COG5: variants seen among roughly 807,000 people sequenced by gnomAD.
COG5 encodes component of oligomeric golgi complex 5, also known as conserved oligomeric Golgi complex subunit 5.
Under a neutral mutation model 110.4 loss-of-function variants are expected in COG5, and 86 were observed. That is an observed-to-expected ratio of 0.78 (90% CI 0.65 to 0.93). The LOEUF is 0.93. Ranked by LOEUF, COG5 falls within the 40% of genes least tolerant of loss-of-function variation. The pLI is 0.00. For synonymous variants in COG5, 360 were observed against 334.6 expected, an observed-to-expected ratio of 1.08 and a Z score of -0.83; for missense variants, 1,077 against 987.0, an observed-to-expected ratio of 1.09 and a Z score of -1.22.
At chr7:107,562,071 C>T (rs906905699) in intron 1 of COG5, among the ~76,000 whole-genome samples, 1 of 152,040 alleles carries the variant, frequency 6.6e-6, no homozygotes, top group African/African-American at 2.4e-5. Flanking sequence ...GATGGTTATA[C>T]GTTGAGGTTA....
chr7:107,554,314 G>T lies in COG5; in HGVS notation c.263C>A (p.Ala88Glu). 6.2e-7 allele frequency: 1 copy of T among 1,613,966 alleles called. No homozygotes were observed. Among genetic ancestry groups the T allele is most frequent in the Non-Finnish European group, 8.5e-7 (1 of 1,179,892 alleles). Residue 88 changes from alanine (A) to glutamate (E), a missense_variant, in exon 3 of 22, where the codon GCA becomes GAA. By Grantham distance (107) the Ala-to-Glu change is moderately radical (BLOSUM62 -1). Transcript: ENST00000297135. Reference sequence around the variant, plus strand: ...CAACGACTCAATCCCAGTTGCTTGTGCCAGTAAATCTTCATGTCTTGCAAC... The same window carrying T: ...CAACGACTCAATCCCAGTTGCTTGTTCCAGTAAATCTTCATGTCTTGCAAC... The part of the protein sequence containing the change: ...QVVARHEDLL[A>E]QATGIESLEG...
At chr7:107,338,375 C>T (rs1341626958) in intron 10 of COG5, among the ~76,000 whole-genome samples, 4 of 151,966 alleles carry the variant, frequency 2.6e-5, no homozygotes, top group Non-Finnish European at 1.5e-5. Flanking sequence ...TTGACAAGTA[C>T]ACCAAGGCTA....
At chr7:107,213,416 T>G (rs1450316309) in intron 19 of COG5, among the ~76,000 whole-genome samples, 1 of 152,230 alleles carries the variant, frequency 6.6e-6, no homozygotes, top group Non-Finnish European at 1.5e-5. Flanking sequence ...GCAAGGACTA[T>G]GGAGCATAAC....
chr7:107,327,442 C>A (rs1809870335), intron 10 of COG5, among the ~76,000 whole-genome samples: 1 of 151,998 alleles, frequency 6.6e-6, no homozygotes, highest in South Asian at 2.1e-4. Flanking sequence ...AATAGACAAA[C>A]TGGACTATAC....
At chr7:107,367,470 G>C (rs933749975) in intron 8 of COG5, among the ~76,000 whole-genome samples, 2 of 151,904 alleles carry the variant, frequency 1.3e-5, no homozygotes, top group Non-Finnish European at 2.9e-5. Flanking sequence ...ACCTACATGT[G>C]TATGTATATC....
intron 6 of COG5, among the ~76,000 whole-genome samples, chr7:107,485,856 G>T (rs1797627356): frequency 6.6e-6 from 1 of 152,012 alleles, no homozygotes; most frequent in Non-Finnish European, 1.5e-5. Context: ...GAGCAATTGG[G>T]CTCAAAGGAA....
intron 7 of COG5, among the ~76,000 whole-genome samples, chr7:107,405,463 C>T (rs943884337): frequency 1.3e-5 from 2 of 152,134 alleles, no homozygotes; most frequent in Admixed American, 6.6e-5. Flanking sequence ...ATCACAGTGA[C>T]GTGATTATTA....
intron 19 of COG5, among the ~76,000 whole-genome samples, chr7:107,227,123 G>A (rs1032805370): frequency 3.9e-5 from 6 of 152,174 alleles, no homozygotes; most frequent in African/African-American, 9.7e-5. Flanking sequence ...TAAGGGCCTC[G>A]TGAGAAATCT....
At chr7:107,373,416 T>C (rs1814358331) in intron 7 of COG5, among the ~76,000 whole-genome samples, 1 of 152,106 alleles carries the variant, frequency 6.6e-6, no homozygotes, top group South Asian at 2.1e-4. Flanking sequence ...TAGAGTATGA[T>C]GGGAATTATT....
At chr7:107,442,643 T>TAAAAAAAAAAAAAAAAAAAAC (rs35184301) in intron 6 of COG5, among the ~76,000 whole-genome samples, 1 of 129,566 alleles carries the variant, frequency 7.7e-6, no homozygotes, top group African/African-American at 2.8e-5. Flanking sequence ...CAATTTCACC[T>TAAAAAAAAAAAAAAAAAAAAC]AAAAAAAAAA....
intron 8 of COG5, among the ~76,000 whole-genome samples, chr7:107,371,546 C>G (rs946759677): frequency 6.6e-6 from 1 of 151,976 alleles, no homozygotes; most frequent in African/African-American, 2.4e-5. Context: ...TTCCATCAAC[C>G]CTGTGATGGA....
intron 17 of COG5, among the ~76,000 whole-genome samples, chr7:107,238,581 T>C (rs555516019): frequency 1.3e-5 from 2 of 152,326 alleles, no homozygotes; most frequent in South Asian, 4.2e-4. Context: ...TCCTTACAGT[T>C]TTCCATAATG....
At chr7:107,438,265 C>T (rs1794482215) in intron 6 of COG5, among the ~76,000 whole-genome samples, 1 of 152,190 alleles carries the variant, frequency 6.6e-6, no homozygotes, top group African/African-American at 2.4e-5. Context: ...ATAAATTCTC[C>T]TTTACTGGAG....
At chr7:107,233,025 T>C (rs1354532987) in intron 18 of COG5, among the ~76,000 whole-genome samples, 1 of 152,202 alleles carries the variant, frequency 6.6e-6, no homozygotes, top group Non-Finnish European at 1.5e-5. Context: ...AATTAGAATT[T>C]TGATTGTCTT....
At chr7:107,288,962 A>ATT (rs1469870840) in intron 12 of COG5, among the ~76,000 whole-genome samples, 1 of 92,470 alleles carries the variant, frequency 1.1e-5, no homozygotes, top group East Asian at 3.3e-4. Context: ...ATATATATAT[A>ATT]TTTAAAAATT....
chr7:107,264,606 T>C (rs373779669), intron 14 of COG5, among the ~76,000 whole-genome samples: 4 of 152,070 alleles, frequency 2.6e-5, no homozygotes, highest in African/African-American at 9.7e-5. Context: ...GGTGTGAGGA[T>C]GGTGTGAGCC....
Position 107,552,605 on chromosome 7 carries a change from A to G in COG5, c.292+1680T>C, listed in dbSNP as rs951690439. On this transcript the variant is annotated intron_variant, in intron 3 of 21. Transcript: ENST00000297135. ...CCATCTCACACCATTCAGAATGACTATTATTAAAAAGTCAAAAAACAACAG... is the reference window on the plus strand; with the variant it reads ...CCATCTCACACCATTCAGAATGACTGTTATTAAAAAGTCAAAAAACAACAG... Among the ~76,000 whole-genome samples, 5 of 152,194 alleles carry G rather than the reference A, an allele frequency of 3.3e-5. No individual in the cohort carries two copies. The East Asian group carries it at 9.6e-4, about 29-fold the overall frequency.
intron 10 of COG5, among the ~76,000 whole-genome samples, chr7:107,346,703 C>CT (rs987467874): frequency 2.0e-5 from 3 of 151,060 alleles, no homozygotes; most frequent in East Asian, 1.9e-4. Flanking sequence ...TATTTTTTTT[C>CT]TTTTTTTTTA....
intron 11 of COG5, among the ~76,000 whole-genome samples, chr7:107,305,090 C>G (rs549789909): frequency 6.6e-6 from 1 of 152,174 alleles, no homozygotes; most frequent in Admixed American, 6.5e-5. Context: ...ATTTTATGTA[C>G]TTACCTGGGA....
Sources: gnomAD v4.1 joint callset for allele counts (sites outside exome capture counted in the v4.1 genomes callset) on GRCh38, gnomAD v4.1.1 for gene constraint, MANE v1.5 for transcripts, NCBI Gene and HGNC (gene_info 2026-07-23, HGNC 2026-07-21) for gene names.